SLC22A2: variants seen among roughly 807,000 people sequenced by gnomAD.
The protein encoded by SLC22A2 is solute carrier family 22 member 2.
A neutral mutation model predicts 60.5 loss-of-function variants in SLC22A2; 46 were observed. The observed-to-expected ratio is 0.76, with a 90% confidence interval of 0.60 to 0.97. The LOEUF (loss-of-function observed/expected upper bound fraction) is 0.97, where lower values mean the gene tolerates loss of function less well. Among genes scored for constraint, SLC22A2 ranks in the 50% least tolerant of loss-of-function variants. The pLI is 0.00. For missense variants in SLC22A2, 701 were observed against 706.6 expected (o/e 0.99, Z 0.09); for synonymous variants, 303 against 267.0 (o/e 1.13, Z -1.31).
At chr6:160,242,551 C>T (rs1783027234) in intron 7 of SLC22A2, 149 bp from the exon 8 acceptor site, 1 of 613,148 alleles carries the variant, frequency 1.6e-6, no homozygotes, top group Non-Finnish European at 2.9e-6. Context: ...ATGTTAATGT[C>T]AGCAGATTCT....
chr6:160,241,877 T>TA (rs1562435276), intron 8 of SLC22A2, among the ~76,000 whole-genome samples: 1 of 150,438 alleles, frequency 6.6e-6, no homozygotes, highest in African/African-American at 2.5e-5. Context: ...GCACAATATT[T>TA]TATATATATA....
intron 10 of SLC22A2, 88 bp from the exon 11 acceptor site, chr6:160,217,586 C>A: frequency 2.8e-6 from 2 of 703,070 alleles, no homozygotes; most frequent in Non-Finnish European, 2.5e-6. Flanking sequence ...ATGAGAGGAA[C>A]AACAAATGAT....
intron 6 of SLC22A2, 34 bp downstream of exon 6, chr6:160,245,405 T>A (rs374115966): frequency 8.3e-7 from 1 of 1,198,936 alleles, no homozygotes; most frequent in African/African-American, 1.5e-5. Flanking sequence ...TTAAAACAAT[T>A]TGGAGGCATT....
intron 9 of SLC22A2, among the ~76,000 whole-genome samples, chr6:160,230,241 T>C (rs922062793): frequency 6.6e-6 from 1 of 151,902 alleles, no homozygotes; most frequent in Admixed American, 6.5e-5. Context: ...TGGTTTACAG[T>C]TTCGTTCCAC....
intron 9 of SLC22A2, among the ~76,000 whole-genome samples, chr6:160,234,385 G>T (rs1236995899): frequency 6.6e-6 from 1 of 152,112 alleles, no homozygotes; most frequent in Non-Finnish European, 1.5e-5. Context: ...AGATCCCTTC[G>T]CTACCGACAA....
At chr6:160,250,470 G>T (rs539819975) in intron 3 of SLC22A2, 78 bp downstream of exon 3, 3 of 1,419,870 alleles carry the variant, frequency 2.1e-6, no homozygotes, top group South Asian at 1.2e-5. Context: ...CCCTTTTCTT[G>T]CATGCCGCCC....
At chr6:160,227,985 T>C (rs543435) in intron 9 of SLC22A2, among the ~76,000 whole-genome samples, 104,650 of 151,918 alleles carry the variant, frequency 0.69, 38,211 homozygotes, top group Admixed American at 0.81. Flanking sequence ...AACAGGAAAC[T>C]CATTAATAAC....
rs531456821 is a variant in SLC22A2, at chr6:160,246,651, G to A, written c.957+533C>T. 2.4e-3 allele frequency among the ~76,000 whole-genome samples: 363 copies of A among 152,296 alleles called. 1 individual carries two copies. Among genetic ancestry groups the A allele is most frequent in the South Asian group, 4.1e-3 (20 of 4,828 alleles). On this transcript the variant is annotated intron_variant, in intron 5 of 10. Transcript: ENST00000366953. ...AATTCTGGCTACTAGGGAGGCTGAAGCAGGAGAATCGCTTGAACCTGGGAA... is the reference window on the plus strand; with the variant it reads ...AATTCTGGCTACTAGGGAGGCTGAAACAGGAGAATCGCTTGAACCTGGGAA...
At position 160,249,322 on chromosome 6, in the gene SLC22A2, T is replaced by C. The variant is rs554909529; in HGVS notation, c.736A>G (p.Thr246Ala). ...TVGIFYQVAY[T>A]VGLLVLAGVA... ...CCAGCTAGCACCAGGAGCCCAACTGTATAGGCAACTTGGTAAAAAATCCCC... is the reference window on the plus strand; with the variant it reads ...CCAGCTAGCACCAGGAGCCCAACTGCATAGGCAACTTGGTAAAAAATCCCC... The change falls in exon 4 of 11, where the codon ACA becomes GCA. Residue 246 changes from threonine (T) to alanine (A), a missense_variant. Thr to Ala is a moderately conservative substitution (Grantham distance 58). Coordinates refer to ENST00000366953, the MANE Select transcript of SLC22A2 (RefSeq NM_003058.4). 1.9e-6 allele frequency: 3 copies of C among 1,613,502 alleles called. No individual in the cohort carries two copies. The highest frequency in any genetic ancestry group is 2.5e-6 in the Non-Finnish European group (3 of 1,179,574).
chr6:160,255,697 T>C (rs999794947), intron 2 of SLC22A2, among the ~76,000 whole-genome samples: 3 of 152,218 alleles, frequency 2.0e-5, no homozygotes, highest in African/African-American at 7.2e-5. Context: ...ACCCACAATG[T>C]TGAACACAGT....
rs542393908 is a variant in SLC22A2 at position 160,241,437 on chromosome 6, A to C, written c.1501+37T>G. The stretch of plus-strand genomic sequence containing the variant: ...GAGAAGTGAAGGTCTCTAGAAAAAT[A>C]AGTTTTCACTTAAAGACATCTGTGA... On this transcript the variant is annotated intron_variant, in intron 9 of 10. Coordinates refer to ENST00000366953, the MANE Select transcript of SLC22A2 (RefSeq NM_003058.4). 4.4e-6 allele frequency: 6 copies of C among 1,365,248 alleles called. No individual in the cohort carries two copies. In the South Asian group the frequency reaches 5.8e-5, roughly 13 times the overall value. 84.6% of individuals were successfully genotyped at this position (1,365,248 alleles called of 1,614,324 possible).
At chr6:160,225,495 T>C (rs918752530) in intron 9 of SLC22A2, among the ~76,000 whole-genome samples, 4 of 152,166 alleles carry the variant, frequency 2.6e-5, no homozygotes, top group African/African-American at 9.6e-5. Flanking sequence ...TCTCTATTTT[T>C]ACACCCTCAG....
At chr6:160,224,852 G>A in intron 9 of SLC22A2, 48 bp from the exon 10 acceptor site, 1 of 1,099,328 alleles carries the variant, frequency 9.1e-7, no homozygotes, top group East Asian at 2.6e-5. Flanking sequence ...AAAAACTCAA[G>A]GTCTATAATT....
chr6:160,237,660 G>A (rs1298040491), intron 9 of SLC22A2, among the ~76,000 whole-genome samples: 2 of 152,116 alleles, frequency 1.3e-5, no homozygotes, highest in African/African-American at 4.8e-5. Flanking sequence ...AAGGGAATGG[G>A]GAAATCTCAG....
intron 9 of SLC22A2, among the ~76,000 whole-genome samples, chr6:160,226,608 T>G (rs1387051016): frequency 2.0e-5 from 3 of 152,232 alleles, no homozygotes; most frequent in Non-Finnish European, 4.4e-5. Flanking sequence ...AAATCTTCTT[T>G]CACCCTGTGG....
rs1782654346 is a variant in SLC22A2, at chr6:160,222,180, GT to G, written c.1601+2524del. ...TAAGGTATTAGGTATAAGTTCACAG[GT>G]TATATTTGTAACTAGGACAGGTTTA... On this transcript the variant is annotated intron_variant, in intron 10 of 10. Coordinates refer to ENST00000366953, the MANE Select transcript of SLC22A2 (RefSeq NM_003058.4). 2.0e-5 allele frequency among the ~76,000 whole-genome samples: 3 copies of G among 152,296 alleles called. No homozygotes were observed. The South Asian group carries it at 6.2e-4, about 32-fold the overall frequency.
Position 160,242,786 on chromosome 6 carries a change from T to A in SLC22A2, c.1280-384A>T, listed in dbSNP as rs530520864. Among the ~76,000 whole-genome samples, 5 of 152,058 alleles carry A rather than the reference T, an allele frequency of 3.3e-5. No homozygotes were observed. The East Asian group carries it at 9.7e-4, about 29-fold the overall frequency. ...CTTGATGAACCTTCAGTGGCAACGATAATCACCCCAAATCTATAGCTGGCA... is the reference window on the plus strand; with the variant it reads ...CTTGATGAACCTTCAGTGGCAACGAAAATCACCCCAAATCTATAGCTGGCA... On this transcript the variant is annotated intron_variant, in intron 7 of 10. Transcript: ENST00000366953.
chr6:160,249,456 T>C lies in SLC22A2; in HGVS notation c.674-72A>G. On this transcript the variant is annotated intron_variant, in intron 3 of 10. Transcript: ENST00000366953. Reference sequence around the variant, plus strand: ...GTTGGCTGTCCAGCTATCAGGAAACTAGAACACCAACCTCAAAAATATAGA... The same window carrying C: ...GTTGGCTGTCCAGCTATCAGGAAACCAGAACACCAACCTCAAAAATATAGA... 3 of 1,166,998 alleles carry C rather than the reference T, an allele frequency of 2.6e-6. No homozygotes were observed. In the South Asian group the frequency reaches 4.0e-5, roughly 16 times the overall value. The allele number at this position is 1,166,998 out of a possible 1,614,324, so 72.3% of individuals were successfully genotyped here. A position where few individuals can be genotyped will look rare whatever the true frequency, so the allele number is the denominator to read the frequency against.
rs1782983578 is a variant in SLC22A2 at position 160,240,643 on chromosome 6, G to C, written c.1501+831C>G. 2.0e-5 allele frequency among the ~76,000 whole-genome samples: 3 copies of C among 152,152 alleles called. No homozygotes were observed. The South Asian group carries it at 6.2e-4, about 32-fold the overall frequency. On this transcript the variant is annotated intron_variant, in intron 9 of 10. Coordinates refer to ENST00000366953, the MANE Select transcript of SLC22A2 (RefSeq NM_003058.4). The stretch of plus-strand genomic sequence containing the variant: ...AGGCTTAGTCTTCCCTTTTGCATAA[G>C]GATTCTGGGGGTCCTGAGATTTTTA...
Sources: allele counts gnomAD v4.1 joint callset (sites outside exome capture counted in the v4.1 genomes callset), GRCh38; gene constraint gnomAD v4.1.1; transcripts MANE v1.5; gene names NCBI Gene and HGNC (gene_info 2026-07-23, HGNC 2026-07-21).